Variants in SLF1 observed in about 807,000 individuals in gnomAD.
SLF1 encodes the protein SMC5-SMC6 complex localization factor protein 1.
SLF1 carries 105 observed loss-of-function variants against 123.0 expected under a neutral mutation model. The ratio of observed to expected loss-of-function variants is 0.85; its 90% CI spans 0.73 to 1.00. The LOEUF (loss-of-function observed/expected upper bound fraction) is 1.00. Among genes scored for constraint, SLF1 ranks in the 50% least tolerant of loss-of-function variants. SLF1 has a pLI of 0.00. For synonymous variants in SLF1, 434 were observed against 406.6 expected (o/e 1.07, Z -0.81); for missense variants, 1,239 against 1,223.0 (o/e 1.01, Z -0.20).
chr5:94,692,202 G>A lies in SLF1; in HGVS notation c.2641G>A (p.Asp881Asn), dbSNP rs748321691. ...AGTGGACGGGGTGACTCCTTTGCAT[G>A]ATGCACTGTCAAACGGACATGTAGA... Reference protein sequence around the residue: ...TQVDGVTPLHDALSNGHVEIG... With the variant: ...TQVDGVTPLHNALSNGHVEIG... Residue 881 changes from aspartate to asparagine, a missense_variant, in exon 20 of 21, where the codon GAT becomes AAT. Transcript: ENST00000265140. 1 of 1,613,828 alleles carries A rather than the reference G, an allele frequency of 6.2e-7. No individual in the cohort carries two copies. Among genetic ancestry groups the A allele is most frequent in the Non-Finnish European group, 8.5e-7 (1 of 1,179,794 alleles).
At chr5:94,692,729 T>C (rs1753174734) in intron 20 of SLF1, among the ~76,000 whole-genome samples, 1 of 152,172 alleles carries the variant, frequency 6.6e-6, no homozygotes, top group Admixed American at 6.5e-5. Context: ...TCCTAGAATA[T>C]TTTTCGTCAT....
chr5:94,686,766 C>T (rs1177116156), intron 16 of SLF1, 48 bp downstream of exon 16: 2 of 1,528,908 alleles, frequency 1.3e-6, no homozygotes. Flanking sequence ...GAAGTGAGTT[C>T]ACAAACTCAA....
At position 94,653,416 on chromosome 5, in the gene SLF1, G is replaced by T; in HGVS notation, c.1027G>T (p.Asp343Tyr). 6.7e-7 allele frequency: 1 copy of T among 1,493,626 alleles called. No homozygotes were observed. Among genetic ancestry groups the T allele is most frequent in the Non-Finnish European group, 8.9e-7 (1 of 1,129,154 alleles). The allele number at this position is 1,493,626 out of a possible 1,614,324, so 92.5% of individuals were successfully genotyped here. ...CTTAAGAAGGCACATATATAATAGA[G>T]ATCAGGTAAAGTTTGTAAGCTAAGC... ...STLRRHIYNR[D>Y]QKEMKNSIFA... Residue 343 changes from aspartate (D) to tyrosine (Y), a missense_variant, in exon 8 of 21, where the codon GAT becomes TAT. Transcript: ENST00000265140.
At chr5:94,677,866 CA>C (rs1751268531) in intron 14 of SLF1, among the ~76,000 whole-genome samples, 1 of 151,872 alleles carries the variant, frequency 6.6e-6, no homozygotes, top group Non-Finnish European at 1.5e-5. Context: ...TGCCTTGTTA[CA>C]TTTCTTATAA....
intron 11 of SLF1, among the ~76,000 whole-genome samples, chr5:94,665,279 G>C (rs573806757): frequency 5.3e-5 from 8 of 152,138 alleles, no homozygotes; most frequent in Admixed American, 2.0e-4. Flanking sequence ...GTGAAGGGTA[G>C]GCTGCATTTA....
intron 6 of SLF1, among the ~76,000 whole-genome samples, chr5:94,650,563 A>G (rs1368323865): frequency 1.3e-5 from 2 of 152,078 alleles, no homozygotes; most frequent in East Asian, 3.9e-4. Flanking sequence ...ACGGGGTTTC[A>G]CCATGTTAAC....
intron 12 of SLF1, among the ~76,000 whole-genome samples, chr5:94,666,543 C>T (rs887777729): frequency 3.3e-5 from 5 of 152,190 alleles, no homozygotes; most frequent in Admixed American, 1.3e-4. Context: ...TTAGTGTCTC[C>T]AGAAATTCTG....
chr5:94,670,246 T>C lies in SLF1; in HGVS notation c.1628T>C (p.Leu543Ser). 2 of 1,513,586 alleles carry C rather than the reference T, an allele frequency of 1.3e-6. No individual in the cohort carries two copies. The highest frequency in any genetic ancestry group is 1.8e-6 in the Non-Finnish European group (2 of 1,133,596). 93.8% of individuals were successfully genotyped at this position (1,513,586 alleles called of 1,614,324 possible). A position where few individuals can be genotyped will look rare whatever the true frequency, so the allele number is the denominator to read the frequency against. The change falls in exon 13 of 21, where the codon TTA becomes TCA. Residue 543 changes from leucine (L) to serine (S), a missense_variant. By Grantham distance (145) the Leu-to-Ser change is moderately radical. Coordinates refer to ENST00000265140, the MANE Select transcript of SLF1 (RefSeq NM_032290.4). ...HLTLLKFFFN[L>S]IESEVQHLSQ... ...ACGCTACTCAAATTTTTCTTTAATT[T>C]AATTGAAAGTGAAGTACAACATCTG... is the stretch of plus-strand genomic sequence containing the variant.
intron 15 of SLF1, 28 bp downstream of exon 15, chr5:94,678,983 C>G: frequency 1.2e-6 from 2 of 1,601,764 alleles, no homozygotes; most frequent in Non-Finnish European, 1.7e-6. Flanking sequence ...CTGTTTTTTT[C>G]AGACCCATTC....
chr5:94,693,965 GT>G (rs1753313651), intron 20 of SLF1, among the ~76,000 whole-genome samples: 1 of 151,734 alleles, frequency 6.6e-6, no homozygotes, highest in South Asian at 2.1e-4. Flanking sequence ...AATTTTAGCA[GT>G]TATAATCAGT....
At chr5:94,631,362 T>C (rs895361488) in intron 4 of SLF1, among the ~76,000 whole-genome samples, 2 of 152,322 alleles carry the variant, frequency 1.3e-5, no homozygotes, top group African/African-American at 4.8e-5. Context: ...AATCAAGATC[T>C]GTTACATGTA....
At chr5:94,661,898 A>G (rs1426925645) in intron 9 of SLF1, among the ~76,000 whole-genome samples, 1 of 152,182 alleles carries the variant, frequency 6.6e-6, no homozygotes, top group South Asian at 2.1e-4. Flanking sequence ...TCTTTTAAAT[A>G]TGCAATTATG....
intron 20 of SLF1, among the ~76,000 whole-genome samples, chr5:94,693,809 C>A (rs1308073675): frequency 6.7e-6 from 1 of 149,918 alleles, no homozygotes; most frequent in Non-Finnish European, 1.5e-5. Flanking sequence ...GAGATGTTGG[C>A]ACAGTGAAAA....
At chr5:94,637,357 G>T (rs1361527967) in intron 4 of SLF1, among the ~76,000 whole-genome samples, 1 of 152,144 alleles carries the variant, frequency 6.6e-6, no homozygotes, top group Non-Finnish European at 1.5e-5. Flanking sequence ...AGAGGGGATT[G>T]TGCTGGCTGG....
At chr5:94,665,324 A>G (rs1428239375) in intron 11 of SLF1, among the ~76,000 whole-genome samples, 1 of 152,206 alleles carries the variant, frequency 6.6e-6, no homozygotes. Flanking sequence ...GGACCCATGC[A>G]GTTAAAACCT....
chr5:94,629,166 A>G lies in SLF1; in HGVS notation c.189A>G (p.Ala63=), dbSNP rs1744935196. Residue 63 remains alanine (A), a splice_region_variant and synonymous_variant, in exon 3 of 21, where the codon GCA becomes GCG. Coordinates refer to ENST00000265140, the MANE Select transcript of SLF1 (RefSeq NM_032290.4). ...KSEKFLAACA[A]GKWILTKDYI... ...AAAAATTTTTAGCAGCTTGTGCGGC[A>G]GGTAAGTTAACTGTCTTCCCCCAAC... is the stretch of plus-strand genomic sequence containing the variant. 6.5e-7 allele frequency: 1 copy of G among 1,547,540 alleles called. No individual in the cohort carries two copies. Among genetic ancestry groups the G allele is most frequent in the Admixed American group, 2.0e-5 (1 of 50,404 alleles).
At chr5:94,621,563 T>C (rs1791789078) in intron 1 of SLF1, among the ~76,000 whole-genome samples, 1 of 152,212 alleles carries the variant, frequency 6.6e-6, no homozygotes, top group South Asian at 2.1e-4. Flanking sequence ...AACCGATATC[T>C]ACTGTCCACC....
intron 5 of SLF1, among the ~76,000 whole-genome samples, chr5:94,644,042 A>G (rs1031176904): frequency 3.3e-5 from 5 of 152,092 alleles, no homozygotes; most frequent in African/African-American, 1.2e-4. Flanking sequence ...ATTACCCTTA[A>G]AATCTTTCTC....
At chr5:94,679,845 T>A (rs1751560602) in intron 15 of SLF1, among the ~76,000 whole-genome samples, 1 of 152,132 alleles carries the variant, frequency 6.6e-6, no homozygotes, top group Non-Finnish European at 1.5e-5. Flanking sequence ...TCTTTGGGCC[T>A]CTAGACTGAA....
Sources: allele counts gnomAD v4.1 joint callset (sites outside exome capture counted in the v4.1 genomes callset), GRCh38; gene constraint gnomAD v4.1.1; transcripts MANE v1.5; gene names NCBI Gene and HGNC (gene_info 2026-07-23, HGNC 2026-07-21).